The following RERE variants were observed in gnomAD, a reference collection of about 807,000 sequenced individuals.
RERE encodes the protein arginine-glutamic acid dipeptide repeats protein.
A neutral mutation model predicts 146.1 loss-of-function variants in RERE; 40 were observed. The observed-to-expected ratio is 0.27, with a 90% CI of 0.21 to 0.36. The LOEUF (loss-of-function observed/expected upper bound fraction) is 0.36. RERE is among the 10% of genes least tolerant of loss of function. The pLI, the probability that RERE is intolerant of heterozygous loss-of-function variation, is 1.00. For missense variants in RERE, 1,933 were observed against 2,138.7 expected (o/e 0.90, Z 1.90); for synonymous variants, 1,003 against 866.0 (o/e 1.16, Z -2.78).
chr1:8,801,917 T>C (rs1049562758), intron 1 of RERE, among the ~76,000 whole-genome samples: 3 of 152,210 alleles, frequency 2.0e-5, no homozygotes, highest in South Asian at 2.1e-4. Flanking sequence ...CAGCGTCCGA[T>C]TATGCAGTTG....
At chr1:8,808,954 G>A (rs762295802) in intron 1 of RERE, among the ~76,000 whole-genome samples, 25 of 151,940 alleles carry the variant, frequency 1.6e-4, no homozygotes, top group Non-Finnish European at 3.4e-4. Context: ...TGGCTAACAT[G>A]GTGAAACCCT....
chr1:8,510,093 GAGAAGACGA>G (rs1045064535), intron 7 of RERE, among the ~76,000 whole-genome samples: 7 of 152,210 alleles, frequency 4.6e-5, no homozygotes, highest in Admixed American at 2.6e-4. Context: ...GGAGGAGGAG[GAGAAGACGA>G]AGAAGAGGAA....
At chr1:8,381,713 G>A (rs1331362957) in intron 12 of RERE, among the ~76,000 whole-genome samples, 2 of 152,176 alleles carry the variant, frequency 1.3e-5, no homozygotes, top group Non-Finnish European at 2.9e-5. Context: ...GATTTCCCCA[G>A]CCCCGGGGAC....
At chr1:8,491,137 T>C (rs1644974651) in intron 10 of RERE, among the ~76,000 whole-genome samples, 1 of 150,598 alleles carries the variant, frequency 6.6e-6, no homozygotes, top group Non-Finnish European at 1.5e-5. Context: ...ACATCATCTC[T>C]GCAAGTAAAA....
chr1:8,657,882 A>C (rs1206666892), intron 1 of RERE, among the ~76,000 whole-genome samples: 1 of 152,204 alleles, frequency 6.6e-6, no homozygotes, highest in Non-Finnish European at 1.5e-5. Context: ...TTAACAAAAC[A>C]TAACAGCTTC....
intron 2 of RERE, among the ~76,000 whole-genome samples, chr1:8,648,185 C>T (rs1647418491): frequency 1.3e-5 from 2 of 152,150 alleles, no homozygotes; most frequent in Non-Finnish European, 2.9e-5. Context: ...AGGAATTATA[C>T]AGTATTATGC....
intron 1 of RERE, among the ~76,000 whole-genome samples, chr1:8,795,754 C>T (rs998481932): frequency 1.3e-5 from 2 of 151,906 alleles, no homozygotes; most frequent in Non-Finnish European, 2.9e-5. Context: ...AGGCCAAGGC[C>T]GGCAGATCAT....
intron 12 of RERE, among the ~76,000 whole-genome samples, chr1:8,421,004 T>C (rs1182862926): frequency 6.6e-6 from 1 of 152,258 alleles, no homozygotes; most frequent in Non-Finnish European, 1.5e-5. Context: ...CTGCTTCCAC[T>C]ACGGAGATAA....
intron 11 of RERE, among the ~76,000 whole-genome samples, chr1:8,443,205 G>A (rs901250365): frequency 1.3e-5 from 2 of 152,214 alleles, no homozygotes; most frequent in African/African-American, 4.8e-5. Context: ...GCTCACGCCT[G>A]TAATCCCAGC....
intron 7 of RERE, among the ~76,000 whole-genome samples, chr1:8,517,845 T>A (rs777813780): frequency 6.6e-6 from 1 of 152,222 alleles, no homozygotes; most frequent in Non-Finnish European, 1.5e-5. Flanking sequence ...ATGGAAACGT[T>A]TTATTCTAAG....
At chr1:8,619,698 C>T (rs759353721) in intron 3 of RERE, among the ~76,000 whole-genome samples, 5 of 152,194 alleles carry the variant, frequency 3.3e-5, no homozygotes, top group South Asian at 2.1e-4. Context: ...TTAGCATTCT[C>T]GGACTCCATG....
In RERE at chr1:8,364,386, A is replaced by C. The variant is rs1641716109; in HGVS notation, c.1541-131T>G. On this transcript the variant is annotated intron_variant, in intron 14 of 22. Coordinates refer to ENST00000400908, the MANE Select transcript of RERE (RefSeq NM_001042681.2). This position sits in a 1 kb window ranked among gnomAD's most constrained non-coding sequence, Gnocchi z 5.1. ...CAGCACCATGCAGCCCTGGGCCCCA[A>C]CACCCCAGGGCTAGTGCTGCCCTGC... The C allele has an allele frequency of 3.8e-6, 3 of 791,962 alleles. No individual in the cohort carries two copies. In the South Asian group the frequency reaches 4.7e-5, roughly 12 times the overall value. The allele number at this position is 791,962 out of a possible 1,614,324, so 49.1% of individuals were successfully genotyped here.
rs7532220 is a variant in RERE, at chr1:8,760,274, G to A, written c.-145+56886C>T. ...ACTCCTGACCTCAGGTGATCCGCCC[G>A]CCTCGGCCTCCCAAAGTGCAGGGAT... On this transcript the variant is annotated intron_variant, in intron 1 of 22. Coordinates refer to ENST00000400908, the MANE Select transcript of RERE (RefSeq NM_001042681.2). Among the ~76,000 whole-genome samples the A allele has an allele frequency of 2.8e-3, 422 of 152,318 alleles. 3 individuals are homozygous for A. The highest frequency in any genetic ancestry group is 9.3e-3 in the African/African-American group (385 of 41,562).
intron 8 of RERE, among the ~76,000 whole-genome samples, chr1:8,504,681 G>A (rs1395977644): frequency 2.0e-5 from 3 of 151,992 alleles, no homozygotes; most frequent in Non-Finnish European, 2.9e-5. Context: ...GTGAAACCCC[G>A]TCTCTACTAA....
chr1:8,731,770 CAT>C (rs1461879035), intron 1 of RERE, among the ~76,000 whole-genome samples: 1 of 39,584 alleles, frequency 2.5e-5, no homozygotes, highest in African/African-American at 1.8e-4. Context: ...AAAAGCTAAA[CAT>C]AATGTTTTTT....
chr1:8,676,854 C>T (rs1638851157), intron 1 of RERE, among the ~76,000 whole-genome samples: 1 of 152,226 alleles, frequency 6.6e-6, no homozygotes, highest in Non-Finnish European at 1.5e-5. Context: ...TCCTAGACCT[C>T]AGTTCCTGCT....
chr1:8,473,866 G>T (rs1376548522), intron 10 of RERE, among the ~76,000 whole-genome samples: 1 of 152,172 alleles, frequency 6.6e-6, no homozygotes, highest in Non-Finnish European at 1.5e-5. Context: ...GTATCATCAT[G>T]GGGAGTAATA....
intron 2 of RERE, among the ~76,000 whole-genome samples, chr1:8,652,867 C>T (rs913556751): frequency 1.3e-4 from 20 of 152,250 alleles, no homozygotes; most frequent in Non-Finnish European, 2.8e-4. Context: ...TAGTTCACCA[C>T]GCCCAGCTAA....
chr1:8,809,010 C>T (rs911034460), intron 1 of RERE, among the ~76,000 whole-genome samples: 6 of 151,830 alleles, frequency 4.0e-5, no homozygotes, highest in Admixed American at 3.3e-4. Context: ...TGGTGGCAGG[C>T]GCCTGTAGTC....
Sources: gnomAD v4.1 joint callset for allele counts (sites outside exome capture counted in the v4.1 genomes callset) on GRCh38, gnomAD v4.1.1 for gene constraint, Gnocchi (gnomAD v3.1) non-coding constraint, MANE v1.5 for transcripts, NCBI Gene and HGNC (gene_info 2026-07-23, HGNC 2026-07-21) for gene names.